Variants in DAAM1 observed in about 807,000 individuals in gnomAD.
The protein encoded by DAAM1 is disheveled-associated activator of morphogenesis 1.
In DAAM1, 52 loss-of-function variants were observed where a neutral mutation model predicts 130.0. The ratio of observed to expected loss-of-function variants is 0.40; its 90% confidence interval spans 0.32 to 0.50. The LOEUF (loss-of-function observed/expected upper bound fraction) is 0.50, where lower values mean the gene tolerates loss of function less well. Ranked by LOEUF, DAAM1 falls within the 20% of genes least tolerant of loss-of-function variation. The probability of loss-of-function intolerance (pLI) is 0.61; values close to 1 mark genes in which losing one functional copy is unlikely to be tolerated. For synonymous variants in DAAM1, 452 were observed against 444.5 expected (o/e 1.02, Z -0.21); for missense variants, 1,134 against 1,303.8 (o/e 0.87, Z 2.01).
In DAAM1 at chr14:59,331,854, A is replaced by T. The variant is rs774562764; in HGVS notation, c.1902A>T (p.Thr634=). Residue 634 remains threonine, a synonymous_variant, in exon 15 of 25, where the codon ACA becomes ACT. Transcript: ENST00000360909. ...EGTVWTEIDD[T]KVFKILDLED... is the part of the protein sequence containing the mutation. Reference sequence around the variant, plus strand: ...CAGTATGGACCGAAATTGATGATACAAAAGTCTTCAAAATTCTAGATCTTG... The same window carrying T: ...CAGTATGGACCGAAATTGATGATACTAAAGTCTTCAAAATTCTAGATCTTG... 2 of 1,614,208 alleles carry T rather than the reference A, an allele frequency of 1.2e-6. No individual in the cohort carries two copies. The highest frequency in any genetic ancestry group is 1.7e-6 in the Non-Finnish European group (2 of 1,180,018).
rs534918771 is a variant in DAAM1, at chr14:59,298,687, G to A, written c.273+7381G>A. 9.2e-5 allele frequency among the ~76,000 whole-genome samples: 14 copies of A among 152,318 alleles called. 1 individual carries two copies. In the South Asian group the frequency reaches 2.3e-3, roughly 25 times the overall value. On this transcript the variant is annotated intron_variant, in intron 3 of 24. Transcript: ENST00000360909. ...ATTCAAAGATTCTCTGCCTCTGACAGTCAAATCAATGTTAGGTTATAGTCT... is the reference window on the plus strand; with the variant it reads ...ATTCAAAGATTCTCTGCCTCTGACAATCAAATCAATGTTAGGTTATAGTCT...
At position 59,306,687 on chromosome 14, in the gene DAAM1, C is replaced by CT. The variant is rs138532767; in HGVS notation, c.274-8581dup. Among the ~76,000 whole-genome samples, 767 of 144,728 alleles carry CT rather than the reference C, an allele frequency of 5.3e-3. 6 individuals carry two copies. The highest frequency in any genetic ancestry group is 0.017 in the African/African-American group (681 of 39,656). 94.9% of individuals were successfully genotyped at this position (144,728 alleles called of 152,430 possible). A position where few individuals can be genotyped will look rare whatever the true frequency, so the allele number is the denominator to read the frequency against. ...GGGTCTAACCTCACTGAGTTCACAGCTTTTTTTTTTTTAATCAATAATGCA... is the reference window on the plus strand; with the variant it reads ...GGGTCTAACCTCACTGAGTTCACAGCTTTTTTTTTTTTTAATCAATAATGCA... On this transcript the variant is annotated intron_variant, in intron 3 of 24. Transcript: ENST00000360909.
At chr14:59,357,195 G>T (rs1423774523) in intron 20 of DAAM1, 1 of 152,230 alleles carries the variant, frequency 6.6e-6, no homozygotes, top group African/African-American at 2.4e-5. Flanking sequence ...TCTATAGCAA[G>T]AAAGATGTGT....
intron 1 of DAAM1, among the ~76,000 whole-genome samples, chr14:59,226,517 C>G (rs1365049687): frequency 1.3e-5 from 2 of 152,132 alleles, no homozygotes; most frequent in Non-Finnish European, 2.9e-5. Context: ...TGCTCAGCAT[C>G]ACATTTCTAG....
chr14:59,244,743 G>A (rs138440227), intron 1 of DAAM1, among the ~76,000 whole-genome samples: 33 of 152,260 alleles, frequency 2.2e-4, no homozygotes, highest in Non-Finnish European at 3.7e-4. Flanking sequence ...TGTGTATTTA[G>A]GTTGGTGAAG....
chr14:59,248,411 T>C (rs2139476681), intron 1 of DAAM1, among the ~76,000 whole-genome samples: 1 of 152,324 alleles, frequency 6.6e-6, no homozygotes, highest in African/African-American at 2.4e-5. Flanking sequence ...TAAAATTCAG[T>C]AAAGATCTTT....
At position 59,353,252 on chromosome 14, in the gene DAAM1, C is replaced by G. The variant is rs528078161; in HGVS notation, c.2267+620C>G. On this transcript the variant is annotated intron_variant, in intron 18 of 24. Transcript: ENST00000360909. ...CTATCTCAGGCCTAGAAAATTGATT[C>G]CTCATTAGAGAAGGACCAGTGGTCC... is the stretch of plus-strand genomic sequence containing the variant. Among the ~76,000 whole-genome samples the G allele has an allele frequency of 9.8e-5, 15 of 152,292 alleles. No individual in the cohort carries two copies. The South Asian group carries it at 3.1e-3, about 32-fold the overall frequency.
At chr14:59,286,853 G>C (rs551247897) in intron 2 of DAAM1, among the ~76,000 whole-genome samples, 1 of 152,104 alleles carries the variant, frequency 6.6e-6, no homozygotes, top group Non-Finnish European at 1.5e-5. Flanking sequence ...AATTCTACCA[G>C]ATATATGAAG....
chr14:59,318,929 A>C (rs1344046554), intron 4 of DAAM1, among the ~76,000 whole-genome samples: 1 of 152,230 alleles, frequency 6.6e-6, no homozygotes, highest in Non-Finnish European at 1.5e-5. Flanking sequence ...AGTGACCCGC[A>C]GTAAAATGTG....
intron 1 of DAAM1, among the ~76,000 whole-genome samples, chr14:59,258,825 T>A (rs4901909): frequency 0.5 from 76,443 of 151,982 alleles, 20,634 homozygotes; most frequent in East Asian, 0.67. Context: ...CAGCATAAAA[T>A]CTTGGCCTTT....
At chr14:59,309,898 T>C (rs887504013) in intron 3 of DAAM1, among the ~76,000 whole-genome samples, 3 of 152,222 alleles carry the variant, frequency 2.0e-5, no homozygotes, top group African/African-American at 7.2e-5. Flanking sequence ...TGGTCTTATG[T>C]TGGCACCTAT....
chr14:59,322,809 TC>T, intron 5 of DAAM1, 82 bp from the exon 6 acceptor site: 1 of 1,129,528 alleles, frequency 8.9e-7, no homozygotes. Flanking sequence ...AATCTTTCTT[TC>T]CCCTGCCCTC....
intron 1 of DAAM1, among the ~76,000 whole-genome samples, chr14:59,252,751 C>T (rs1881704215): frequency 6.6e-6 from 1 of 152,172 alleles, no homozygotes; most frequent in African/African-American, 2.4e-5. Flanking sequence ...TCCCACTTCC[C>T]TTTATAGTGT....
At chr14:59,300,588 T>G (rs1043770101) in intron 3 of DAAM1, among the ~76,000 whole-genome samples, 1 of 152,160 alleles carries the variant, frequency 6.6e-6, no homozygotes, top group African/African-American at 2.4e-5. Flanking sequence ...TACAAAAAAG[T>G]ACAGAATATA....
chr14:59,294,498 A>C (rs963924509), intron 3 of DAAM1, among the ~76,000 whole-genome samples: 2 of 152,296 alleles, frequency 1.3e-5, no homozygotes, highest in Non-Finnish European at 2.9e-5. Flanking sequence ...TGAAAGTCCA[A>C]ACAAATCTAA....
Position 59,291,194 on chromosome 14 carries a change from CTAAT to C in DAAM1, c.184-20_184-17del, listed in dbSNP as rs771909304. The C allele has an allele frequency of 5.7e-6, 9 of 1,580,692 alleles. No homozygotes were observed. Among genetic ancestry groups the C allele is most frequent in the Non-Finnish European group, 6.9e-6 (8 of 1,161,648 alleles). ...GGAATAATGTTTATCCTATGAAACA[CTAAT>C]TATTTTCTTTCTTCTCAGGATGAAC... On this transcript the variant is annotated intron_variant, in intron 2 of 24. Transcript: ENST00000360909.
At chr14:59,303,169 A>C (rs1177651250) in intron 3 of DAAM1, among the ~76,000 whole-genome samples, 2 of 152,356 alleles carry the variant, frequency 1.3e-5, no homozygotes, top group East Asian at 3.9e-4. Flanking sequence ...TTAAGGAACA[A>C]GGGCATAGCT....
chr14:59,235,380 A>G (rs185001405), intron 1 of DAAM1, among the ~76,000 whole-genome samples: 16 of 152,222 alleles, frequency 1.1e-4, no homozygotes, highest in Non-Finnish European at 1.5e-4. Flanking sequence ...GGGAGGGTGT[A>G]TGTGTCCAGG....
rs1015711763 is a variant in DAAM1, at chr14:59,298,746, G to A, written c.273+7440G>A. Among the ~76,000 whole-genome samples, 12 of 152,116 alleles carry A rather than the reference G, an allele frequency of 7.9e-5. No homozygotes were observed. The South Asian group carries it at 1.0e-3, about 13-fold the overall frequency. On this transcript the variant is annotated intron_variant, in intron 3 of 24. Transcript: ENST00000360909. Reference sequence around the variant, plus strand: ...GCAATTGGTTTTTGAATATTTATTTGCCTCCTCTTCCTCTAATTCCTTTGT... The same window carrying A: ...GCAATTGGTTTTTGAATATTTATTTACCTCCTCTTCCTCTAATTCCTTTGT...
Sources: allele counts gnomAD v4.1 joint callset (sites outside exome capture counted in the v4.1 genomes callset), GRCh38; gene constraint gnomAD v4.1.1; transcripts MANE v1.5; gene names NCBI Gene and HGNC (gene_info 2026-07-23, HGNC 2026-07-21).